The following CAMK1D variants were observed in gnomAD, a reference collection of about 807,000 sequenced individuals.
The protein encoded by CAMK1D is calcium/calmodulin dependent protein kinase ID.
A neutral mutation model predicts 47.7 loss-of-function variants in CAMK1D; 9 were observed. The observed-to-expected ratio is 0.19, with a 90% CI of 0.11 to 0.33. The LOEUF (loss-of-function observed/expected upper bound fraction) is 0.33, where lower values mean the gene tolerates loss of function less well. Ranked by LOEUF, CAMK1D falls within the 10% of genes least tolerant of loss-of-function variation. The pLI, the probability that CAMK1D is intolerant of heterozygous loss-of-function variation, is 1.00. For synonymous variants in CAMK1D, 184 were observed against 184.9 expected (o/e 0.99, Z 0.04); for missense variants, 291 against 488.7 (o/e 0.60, Z 3.81).
intron 1 of CAMK1D, among the ~76,000 whole-genome samples, chr10:12,444,203 A>G (rs987609095): frequency 3.3e-5 from 5 of 151,990 alleles, no homozygotes; most frequent in African/African-American, 7.2e-5. Context: ...CCAATCTCCT[A>G]TCTTATTCTG....
At chr10:12,593,918 T>C (rs1031856833) in intron 2 of CAMK1D, among the ~76,000 whole-genome samples, 4 of 152,196 alleles carry the variant, frequency 2.6e-5, no homozygotes, top group Non-Finnish European at 5.9e-5. Flanking sequence ...GGCTCACGCC[T>C]GTAATCTCAG....
chr10:12,458,787 A>G (rs945993381), intron 1 of CAMK1D, among the ~76,000 whole-genome samples: 1 of 151,876 alleles, frequency 6.6e-6, no homozygotes, highest in Non-Finnish European at 1.5e-5. Flanking sequence ...CTTACATTTA[A>G]TCTTTTGCTA....
chr10:12,739,479 C>T (rs969312315), intron 3 of CAMK1D, among the ~76,000 whole-genome samples: 4 of 140,830 alleles, frequency 2.8e-5, no homozygotes, highest in Admixed American at 2.2e-4. Context: ...TCAGTAGAGA[C>T]GGTGTTTCAC....
chr10:12,429,620 G>A lies in CAMK1D; in HGVS notation c.92+79710G>A, dbSNP rs540656308. On this transcript the variant is annotated intron_variant, in intron 1 of 10. Transcript: ENST00000619168. ...CTCCCAAAGTGCTGGGATTACAGGC[G>A]TGAGCCACCATGCCTGGCCCCCATT... 5.3e-5 allele frequency among the ~76,000 whole-genome samples: 8 copies of A among 152,206 alleles called. No individual in the cohort carries two copies. The East Asian group carries it at 9.7e-4, about 18-fold the overall frequency.
At chr10:12,692,908 G>A (rs1832985567) in intron 3 of CAMK1D, among the ~76,000 whole-genome samples, 1 of 152,192 alleles carries the variant, frequency 6.6e-6, no homozygotes, top group South Asian at 2.1e-4. Flanking sequence ...GAGCTGTGAT[G>A]GCAAATTTTA....
chr10:12,384,570 G>C (rs1017957265), intron 1 of CAMK1D, among the ~76,000 whole-genome samples: 1 of 152,156 alleles, frequency 6.6e-6, no homozygotes, highest in African/African-American at 2.4e-5. Context: ...TATTGGTTAA[G>C]ATAATTCAGT....
intron 2 of CAMK1D, among the ~76,000 whole-genome samples, chr10:12,608,443 T>A (rs944490332): frequency 1.3e-5 from 2 of 152,122 alleles, no homozygotes; most frequent in Non-Finnish European, 2.9e-5. Context: ...CATATTTATG[T>A]GGTTTAAAGT....
intron 5 of CAMK1D, among the ~76,000 whole-genome samples, chr10:12,776,529 C>A (rs539237805): frequency 1.3e-5 from 2 of 152,362 alleles, no homozygotes; most frequent in Admixed American, 1.3e-4. Flanking sequence ...AAGGGAAACA[C>A]AGGCTGGGTT....
At chr10:12,525,203 A>G (rs1332433784) in intron 1 of CAMK1D, among the ~76,000 whole-genome samples, 11 of 152,094 alleles carry the variant, frequency 7.2e-5, no homozygotes, top group African/African-American at 2.7e-4. Flanking sequence ...TTGTGTGGGT[A>G]TTCTTTTCTT....
At chr10:12,669,115 A>G (rs1256899852) in intron 3 of CAMK1D, among the ~76,000 whole-genome samples, 1 of 152,006 alleles carries the variant, frequency 6.6e-6, no homozygotes, top group African/African-American at 2.4e-5. Flanking sequence ...ACCTGCAGTC[A>G]CATCTACTCA....
At chr10:12,818,766 A>G (rs1301261164) in intron 8 of CAMK1D, among the ~76,000 whole-genome samples, 6 of 152,224 alleles carry the variant, frequency 3.9e-5, no homozygotes, top group African/African-American at 1.2e-4. Flanking sequence ...TGATTCCAAA[A>G]TGAATTCCCT....
intron 1 of CAMK1D, among the ~76,000 whole-genome samples, chr10:12,422,056 G>A (rs1026212352): frequency 1.3e-5 from 2 of 152,032 alleles, no homozygotes; most frequent in African/African-American, 4.8e-5. Context: ...TGATCCGCCC[G>A]CCTTGGCCTT....
At chr10:12,677,441 C>T (rs934976083) in intron 3 of CAMK1D, among the ~76,000 whole-genome samples, 1 of 151,874 alleles carries the variant, frequency 6.6e-6, no homozygotes, top group African/African-American at 2.4e-5. Context: ...TGGGAAGGGG[C>T]TTGGGGGATA....
At chr10:12,604,045 C>T (rs1588680813) in intron 2 of CAMK1D, among the ~76,000 whole-genome samples, 1 of 152,130 alleles carries the variant, frequency 6.6e-6, no homozygotes, top group Non-Finnish European at 1.5e-5. Context: ...CTGGCCTGTG[C>T]CTTCTCTGGA....
chr10:12,473,950 T>C (rs1240478817), intron 1 of CAMK1D, among the ~76,000 whole-genome samples: 1 of 152,214 alleles, frequency 6.6e-6, no homozygotes, highest in East Asian at 1.9e-4. Context: ...GAAAAGGCAA[T>C]TCTGGAACCT....
intron 6 of CAMK1D, among the ~76,000 whole-genome samples, chr10:12,812,103 G>C (rs1417156801): frequency 6.6e-6 from 1 of 152,258 alleles, no homozygotes; most frequent in Non-Finnish European, 1.5e-5. Context: ...GATGGCTGGC[G>C]ATGTGCGTCC....
intron 1 of CAMK1D, among the ~76,000 whole-genome samples, chr10:12,523,034 GGCT>G (rs1835485388): frequency 6.6e-6 from 1 of 151,614 alleles, no homozygotes. Flanking sequence ...CAGACGGGGT[GGCT>G]GCCGGGCGGA....
intron 5 of CAMK1D, among the ~76,000 whole-genome samples, chr10:12,777,805 C>T (rs1049976383): frequency 8.5e-5 from 13 of 152,234 alleles, no homozygotes; most frequent in Non-Finnish European, 1.6e-4. Context: ...CACCTCCTTC[C>T]GCAGCCATGG....
intron 3 of CAMK1D, among the ~76,000 whole-genome samples, chr10:12,721,137 C>G (rs1033059101): frequency 6.6e-6 from 1 of 152,206 alleles, no homozygotes; most frequent in African/African-American, 2.4e-5. Context: ...TCTTCACGGT[C>G]AAGGGGCTAA....
Sources: allele counts gnomAD v4.1 joint callset (sites outside exome capture counted in the v4.1 genomes callset), GRCh38; gene constraint gnomAD v4.1.1; transcripts MANE v1.5; gene names NCBI Gene and HGNC (gene_info 2026-07-23, HGNC 2026-07-21).